Variants in FLG observed in about 807,000 individuals in gnomAD.
FLG encodes epidermal filaggrin.
In FLG, 6 loss-of-function variants were observed where a neutral mutation model predicts 3.8. That is an observed-to-expected ratio of 1.60 (90% confidence interval 0.87 to 3.15). The LOEUF is 3.15. Among genes scored for constraint, FLG ranks in the 30% most tolerant of loss-of-function variants. The pLI, the probability that FLG is intolerant of heterozygous loss-of-function variation, is 0.00. For synonymous variants in FLG, 2,551 were observed against 1,931.6 expected, an observed-to-expected ratio of 1.32 and a Z score of -8.41; for missense variants, 7,595 against 5,050.9, an observed-to-expected ratio of 1.50 and a Z score of -15.27.
Position 152,310,649 on chromosome 1 carries a change from G to T in FLG, c.4237C>A (p.His1413Asn). ...EDSDTQSVSA[H>N]GQAGPHQQSH... The stretch of plus-strand genomic sequence containing the variant: ...TGCTGATGGGGCCCAGCTTGTCCGT[G>T]GGCTGACACTGACTGTGTGTCTGAG... The change falls in exon 3 of 3, where the codon CAC becomes AAC. Residue 1413 changes from histidine (H) to asparagine (N), a missense_variant. Physicochemically the swap from His to Asn is moderately conservative, Grantham distance 68. Transcript: ENST00000368799. 6.2e-7 allele frequency: 1 copy of T among 1,613,928 alleles called. No individual in the cohort carries two copies. The highest frequency in any genetic ancestry group is 1.3e-5 in the African/African-American group (1 of 74,964).
rs1250773053 is a variant in FLG, at chr1:152,304,982, G to A, written c.9904C>T (p.His3302Tyr). Residue 3302 changes from histidine (H) to tyrosine (Y), a missense_variant, in exon 3 of 3, where the codon CAC becomes TAC. His to Tyr is a moderately conservative substitution (Grantham distance 83). Transcript: ENST00000368799. ...EQARSSPGER[H>Y]GSRHQQSADS... Reference sequence around the variant, plus strand: ...GCTGACTGCTGGTGGCGGGATCCGTGTCTCTCTCCTGGACTTGATCTTGCC... The same window carrying A: ...GCTGACTGCTGGTGGCGGGATCCGTATCTCTCTCCTGGACTTGATCTTGCC... The A allele has an allele frequency of 1.2e-6, 2 of 1,613,832 alleles. No individual in the cohort carries two copies. Among genetic ancestry groups the A allele is most frequent in the African/African-American group, 1.3e-5 (1 of 74,980 alleles).
Position 152,312,097 on chromosome 1 carries a change from T to C in FLG, c.2789A>G (p.Gln930Arg). The C allele has an allele frequency of 6.2e-7, 1 of 1,614,150 alleles. No individual in the cohort carries two copies. Among genetic ancestry groups the C allele is most frequent in the Admixed American group, 1.7e-5 (1 of 60,032 alleles). ...ADISRHSQAG[Q>R]GQSEGSRTSR... Reference sequence around the variant, plus strand: ...TGTCCTGGACCCCTCTGATTGTCCCTGGCCTGCCTGTGAGTGTCTAGAGAT... The same window carrying C: ...TGTCCTGGACCCCTCTGATTGTCCCCGGCCTGCCTGTGAGTGTCTAGAGAT... Residue 930 changes from glutamine (Q) to arginine (R), a missense_variant, in exon 3 of 3, where the codon CAG becomes CGG. Coordinates refer to ENST00000368799, the MANE Select transcript of FLG (RefSeq NM_002016.2).
At chr1:152,316,657 A>G (rs527549400) in intron 1 of FLG, among the ~76,000 whole-genome samples, 7 of 152,134 alleles carry the variant, frequency 4.6e-5, no homozygotes, top group Non-Finnish European at 8.8e-5. Context: ...CTTATTTATG[A>G]TGATATTGTA....
At chr1:152,319,477 C>A (rs1372016725) in intron 1 of FLG, among the ~76,000 whole-genome samples, 1 of 150,938 alleles carries the variant, frequency 6.6e-6, no homozygotes, top group Non-Finnish European at 1.5e-5. Flanking sequence ...GGTACAGGTT[C>A]AAAACGATAT....
intron 1 of FLG, among the ~76,000 whole-genome samples, chr1:152,323,696 A>G (rs1389966032): frequency 6.6e-6 from 1 of 150,794 alleles, no homozygotes; most frequent in Non-Finnish European, 1.5e-5. Flanking sequence ...TTTTTTATGT[A>G]CTGCTGGAGG....
In FLG at chr1:152,311,603, G is replaced by C; in HGVS notation, c.3283C>G (p.His1095Asp). 2 of 1,614,104 alleles carry C rather than the reference G, an allele frequency of 1.2e-6. No homozygotes were observed. Among genetic ancestry groups the C allele is most frequent in the Non-Finnish European group, 1.7e-6 (2 of 1,180,034 alleles). Residue 1095 changes from histidine to aspartate, a missense_variant, in exon 3 of 3, where the codon CAT becomes GAT. By Grantham distance (81) the His-to-Asp change is moderately conservative. Transcript: ENST00000368799. ...SVSGHGQDGP[H>D]QQSHQESARD... ...GCGGACTCTTGGTGGCTCTGCTGAT[G>C]GGGCCCATCCTGTCCATGGCCTGAC...
Position 152,310,523 on chromosome 1 carries a change from G to A in FLG, c.4363C>T (p.His1455Tyr), listed in dbSNP as rs202237346. 6 of 1,613,738 alleles carry A rather than the reference G, an allele frequency of 3.7e-6. No homozygotes were observed. The highest frequency in any genetic ancestry group is 1.3e-5 in the African/African-American group (1 of 74,844). Reference protein sequence around the residue: ...VSSHEQSESTHGQTAPSTGGR... With the variant: ...VSSHEQSESTYGQTAPSTGGR... ...CCAGTGCTGGGTGCAGTCTGTCCGT[G>A]TGTGGACTCAGACTGTTCATGAGAG... Residue 1455 changes from histidine (H) to tyrosine (Y), a missense_variant, in exon 3 of 3, where the codon CAC (histidine) becomes TAC (tyrosine). Transcript: ENST00000368799.
In FLG at chr1:152,313,578, T is replaced by C. The variant is rs1367137680; in HGVS notation, c.1308A>G (p.Ser436=). The part of the protein sequence containing the change: ...EGHSENSDTQ[S]VSGHGKAGLR... ...GCCCAGCCTTTCCGTGGCCTGACAC[T>C]GATTGTGTGTCTGAGTTTTCTGAAT... The change falls in exon 3 of 3, where the codon TCA becomes TCG. Residue 436 remains serine, a synonymous_variant. Transcript: ENST00000368799. The C allele has an allele frequency of 6.2e-7, 1 of 1,613,796 alleles. No individual in the cohort carries two copies. Among genetic ancestry groups the C allele is most frequent in the African/African-American group, 1.3e-5 (1 of 74,836 alleles).
chr1:152,311,398 T>A lies in FLG; in HGVS notation c.3488A>T (p.Asp1163Val). 1 of 1,613,258 alleles carries A rather than the reference T, an allele frequency of 6.2e-7. No individual in the cohort carries two copies. Reference sequence around the variant, plus strand: ...TGACCCCGGGTGTGCACGAATGGTGTCCTGACCCTCTTGGGACGCTGAGTG... The same window carrying A: ...TGACCCCGGGTGTGCACGAATGGTGACCTGACCCTCTTGGGACGCTGAGTG... ...SRHSASQEGQ[D>V]TIRAHPGSRR... Residue 1163 changes from aspartate (D) to valine (V), a missense_variant, in exon 3 of 3, where the codon GAC becomes GTC. Transcript: ENST00000368799.
In FLG at chr1:152,313,810, C is replaced by G. The variant is rs764222741; in HGVS notation, c.1076G>C (p.Arg359Pro). Reference protein sequence around the residue: ...SADSSRQSGTRHAETSSRGQT... With the variant: ...SADSSRQSGTPHAETSSRGQT... ...TCCACGAGAGGAAGTCTCTGCGTGA[C>G]GAGTGCCTGATTGTCTGGAGCTGTC... Residue 359 changes from arginine to proline, a missense_variant, in exon 3 of 3, where the codon CGT becomes CCT. Transcript: ENST00000368799. 4 of 1,614,096 alleles carry G rather than the reference C, an allele frequency of 2.5e-6. No individual in the cohort carries two copies. Among genetic ancestry groups the G allele is most frequent in the East Asian group, 2.2e-5 (1 of 44,868 alleles).
At position 152,311,751 on chromosome 1, in the gene FLG, T is replaced by C. The variant is rs200210441; in HGVS notation, c.3135A>G (p.Arg1045=). Residue 1045 remains arginine (R), a synonymous_variant, in exon 3 of 3, where the codon AGA becomes AGG. Coordinates refer to ENST00000368799, the MANE Select transcript of FLG (RefSeq NM_002016.2). The part of the protein sequence containing the change: ...SRHQQSADSS[R]HSGIPRRQAS... ...CTTGTCTGCGCGGAATGCCTGAGTG[T>C]CTGGAGCTGTCTGCTGACTGCTGGT... 10 of 1,613,986 alleles carry C rather than the reference T, an allele frequency of 6.2e-6. No individual in the cohort carries two copies. The highest frequency in any genetic ancestry group is 7.6e-6 in the Non-Finnish European group (9 of 1,179,978).
intron 2 of FLG, 132 bp from the exon 3 acceptor site, chr1:152,314,879 A>G (rs916151255): frequency 8.6e-7 from 1 of 1,164,190 alleles, no homozygotes; most frequent in African/African-American, 1.5e-5. Flanking sequence ...TTTTTTTTTA[A>G]GACTTTTTTG....
Position 152,308,777 on chromosome 1 carries a change from G to T in FLG, c.6109C>A (p.Arg2037=). 1.2e-6 allele frequency: 2 copies of T among 1,614,098 alleles called. No individual in the cohort carries two copies. The highest frequency in any genetic ancestry group is 1.3e-5 in the African/African-American group (1 of 75,026). Residue 2037 remains arginine (R), a synonymous_variant, in exon 3 of 3, where the codon CGA becomes AGA. Transcript: ENST00000368799. ...ASSAVRDSGH[R]GYSGSQASDS... is the part of the protein sequence containing the mutation. Reference sequence around the variant, plus strand: ...CTGGCCTGACTACCACTGTACCCTCGGTGTCCACTGTCTCTGACTGCAGAT... The same window carrying T: ...CTGGCCTGACTACCACTGTACCCTCTGTGTCCACTGTCTCTGACTGCAGAT...
In FLG at chr1:152,312,581, C is replaced by T. The variant is rs1391084527; in HGVS notation, c.2305G>A (p.Gly769Ser). The T allele has an allele frequency of 3.1e-6, 5 of 1,613,604 alleles. No homozygotes were observed. Among genetic ancestry groups the T allele is most frequent in the Non-Finnish European group, 4.2e-6 (5 of 1,179,980 alleles). ...TCTTGGTGGCTCTGCTGATGGTGAC[C>T]AGCCTGTCCATGGCCTGACACTGAC... The part of the protein sequence containing the change: ...TQSVSGHGQA[G>S]HHQQSHQESA... Residue 769 changes from glycine to serine, a missense_variant, in exon 3 of 3, where the codon GGT (glycine) becomes AGT (serine). Coordinates refer to ENST00000368799, the MANE Select transcript of FLG (RefSeq NM_002016.2).
At position 152,312,440 on chromosome 1, in the gene FLG, C is replaced by CTCCA. The variant is rs753652391; in HGVS notation, c.2442_2445dup (p.Val816TrpfsTer9). On this transcript the variant is annotated frameshift_variant, in exon 3 of 3. Transcript: ENST00000368799. LOFTEE classifies it low-confidence loss of function (END_TRUNC). ...TGCTCATGGTGGGATCCTTGTCTTACTCCAGTGCTGGGCCCTGTCCATCCA... is the reference window on the plus strand; with the variant it reads ...TGCTCATGGTGGGATCCTTGTCTTACTCCATCCAGTGCTGGGCCCTGTCCATCCA... 7 of 1,613,628 alleles carry CTCCA rather than the reference C, an allele frequency of 4.3e-6. No homozygotes were observed. The highest frequency in any genetic ancestry group is 5.9e-6 in the Non-Finnish European group (7 of 1,179,886).
At position 152,312,056 on chromosome 1, in the gene FLG, A is replaced by T. The variant is rs778248679; in HGVS notation, c.2830T>A (p.Ser944Thr). 1 of 1,613,924 alleles carries T rather than the reference A, an allele frequency of 6.2e-7. No individual in the cohort carries two copies. The highest frequency in any genetic ancestry group is 8.5e-7 in the Non-Finnish European group (1 of 1,179,968). The change falls in exon 3 of 3, where the codon TCC (serine) becomes ACC (threonine). Residue 944 changes from serine to threonine, a missense_variant. Coordinates refer to ENST00000368799, the MANE Select transcript of FLG (RefSeq NM_002016.2). ...CTGTCACTGTCCTGGCTAACACTGG[A>T]TCCCTGGCGCCTGCTTGTCCTGGAC... The part of the protein sequence containing the change: ...EGSRTSRRQG[S>T]SVSQDSDSEG...
Position 152,311,193 on chromosome 1 carries a change from C to T in FLG, c.3693G>A (p.Arg1231=), listed in dbSNP as rs199949996. 102 of 1,613,640 alleles carry T rather than the reference C, an allele frequency of 6.3e-5. No homozygotes were observed. The highest frequency in any genetic ancestry group is 3.0e-4 in the Admixed American group (18 of 59,958). The stretch of plus-strand genomic sequence containing the variant: ...CTTCATGGTGACGTGACCCTGAGTG[C>T]CTGGAGCCGTCTCCTGATTGTTTGT... The part of the protein sequence containing the change: ...RKDKQSGDGS[R]HSGSRHHEAA... The change falls in exon 3 of 3, where the codon AGG becomes AGA. Residue 1231 remains arginine, a synonymous_variant. Transcript: ENST00000368799.
At position 152,303,484 on chromosome 1, in the gene FLG, T is replaced by G. The variant is rs144046718; in HGVS notation, c.11402A>C (p.His3801Pro). The part of the protein sequence containing the change: ...TTSQGRSDAS[H>P]GQSGSRSASR... ...TGCACTTCTGGATCCTGACTGCCCA[T>G]GGGAGGCATCAGACCTTCCCTGGGA... is the stretch of plus-strand genomic sequence containing the variant. Residue 3801 changes from histidine to proline, a missense_variant, in exon 3 of 3, where the codon CAT becomes CCT. By Grantham distance (77) the His-to-Pro change is moderately conservative. Transcript: ENST00000368799. 4.3e-6 allele frequency: 7 copies of G among 1,613,852 alleles called. No individual in the cohort carries two copies. In the Admixed American group the frequency reaches 1.2e-4, roughly 27 times the overall value.
rs372179015 is a variant in FLG at position 152,303,638 on chromosome 1, C to G, written c.11248G>C (p.Ala3750Pro). 3.1e-6 allele frequency: 5 copies of G among 1,613,860 alleles called. No homozygotes were observed. Among genetic ancestry groups the G allele is most frequent in the Non-Finnish European group, 4.2e-6 (5 of 1,179,962 alleles). ...ATGGTGTCCTGACCCTCTTGGGACG[C>G]TGAGTGCCTGGAGCTGTCTCGTGCC... Reference protein sequence around the residue: ...EQARDSSRHSASQEGQDTIRG... With the variant: ...EQARDSSRHSPSQEGQDTIRG... Residue 3750 changes from alanine (A) to proline (P), a missense_variant, in exon 3 of 3, where the codon GCG (alanine) becomes CCG (proline). Physicochemically the swap from Ala to Pro is conservative, Grantham distance 27. Transcript: ENST00000368799.
Sources: allele counts gnomAD v4.1 joint callset (sites outside exome capture counted in the v4.1 genomes callset), GRCh38; gene constraint gnomAD v4.1.1; transcripts MANE v1.5; gene names NCBI Gene and HGNC (gene_info 2026-07-23, HGNC 2026-07-21).